Variants in TRHDE observed in about 807,000 individuals in gnomAD.
The protein encoded by TRHDE is thyrotropin releasing hormone degrading enzyme, also known as thyrotropin-releasing hormone-degrading ectoenzyme.
In TRHDE, 72 loss-of-function variants were observed where a neutral mutation model predicts 125.7. That is an observed-to-expected ratio of 0.57 (90% CI 0.47 to 0.70). The LOEUF is 0.70. Among genes scored for constraint, TRHDE ranks in the 30% least tolerant of loss-of-function variants. TRHDE has a pLI of 0.00. For synonymous variants in TRHDE, 509 were observed against 509.1 expected, an observed-to-expected ratio of 1.00 and a Z score of 0.00; for missense variants, 1,110 against 1,327.1, an observed-to-expected ratio of 0.84 and a Z score of 2.54.
At chr12:72,243,042 G>A (rs1878513380) in intron 2 of TRHDE, among the ~76,000 whole-genome samples, 2 of 152,174 alleles carry the variant, frequency 1.3e-5, no homozygotes, top group African/African-American at 4.8e-5. Context: ...TCTGAAGGCT[G>A]TTATATCAAG....
At chr12:72,211,638 C>T (rs1045255403) in intron 2 of TRHDE, among the ~76,000 whole-genome samples, 17 of 151,898 alleles carry the variant, frequency 1.1e-4, no homozygotes, top group Admixed American at 8.5e-4. Context: ...TGACAGGCCC[C>T]GGGGACGCAA....
chr12:72,312,444 C>G (rs1310018127), intron 2 of TRHDE, among the ~76,000 whole-genome samples: 1 of 152,056 alleles, frequency 6.6e-6, no homozygotes. Flanking sequence ...AAAGTAATGA[C>G]CAGACCTTCT....
intron 3 of TRHDE, among the ~76,000 whole-genome samples, chr12:72,455,201 A>G (rs2135876271): frequency 6.6e-6 from 1 of 152,316 alleles, no homozygotes; most frequent in South Asian, 2.1e-4. Flanking sequence ...TCCAAGTGCT[A>G]AATTTTATCA....
intron 3 of TRHDE, among the ~76,000 whole-genome samples, chr12:72,419,365 A>G (rs986530574): frequency 6.6e-6 from 1 of 152,152 alleles, no homozygotes; most frequent in Non-Finnish European, 1.5e-5. Flanking sequence ...ATCTGAGGCT[A>G]GGTAATTTAT....
chr12:72,166,760 A>G (rs1196597923), intron 2 of TRHDE, among the ~76,000 whole-genome samples: 1 of 152,214 alleles, frequency 6.6e-6, no homozygotes, highest in Non-Finnish European at 1.5e-5. Context: ...ATGAGCTGGA[A>G]GTAGACTGGC....
At chr12:72,292,009 G>A (rs1480089499) in intron 2 of TRHDE, among the ~76,000 whole-genome samples, 1 of 152,144 alleles carries the variant, frequency 6.6e-6, no homozygotes. Flanking sequence ...AAAAATGTTG[G>A]CTTTTTATGT....
intron 6 of TRHDE, among the ~76,000 whole-genome samples, chr12:72,537,264 C>T (rs1262658799): frequency 2.0e-5 from 3 of 151,952 alleles, no homozygotes; most frequent in Admixed American, 6.6e-5. Context: ...TGTGGTTTGG[C>T]CCTGTTTCCC....
At chr12:72,592,705 TTTC>T (rs923441188) in intron 12 of TRHDE, among the ~76,000 whole-genome samples, 6 of 127,148 alleles carry the variant, frequency 4.7e-5, no homozygotes, top group African/African-American at 2.1e-4. Context: ...TTTTCTTTTC[TTTC>T]TTTTTTTTTT....
At chr12:72,418,243 T>C (rs372293773) in intron 3 of TRHDE, among the ~76,000 whole-genome samples, 1 of 152,024 alleles carries the variant, frequency 6.6e-6, no homozygotes, top group East Asian at 1.9e-4. Context: ...TTGTGTTCAA[T>C]TTTAGTGGCA....
intron 3 of TRHDE, among the ~76,000 whole-genome samples, chr12:72,425,860 C>A (rs1369921681): frequency 3.3e-5 from 5 of 151,884 alleles, no homozygotes; most frequent in Non-Finnish European, 5.9e-5. Flanking sequence ...GCAGCAGCAA[C>A]AACAACAAGA....
At chr12:72,320,316 A>T (rs965430186) in intron 2 of TRHDE, among the ~76,000 whole-genome samples, 3 of 152,158 alleles carry the variant, frequency 2.0e-5, no homozygotes, top group Non-Finnish European at 4.4e-5. Flanking sequence ...CATACAATCT[A>T]CACCTACTTT....
chr12:72,507,662 GT>G (rs541858470), intron 6 of TRHDE, among the ~76,000 whole-genome samples: 146 of 152,356 alleles, frequency 9.6e-4, no homozygotes, highest in Non-Finnish European at 1.6e-3. Flanking sequence ...GCCTGGCCAT[GT>G]GATAGAAAAG....
At position 72,336,818 on chromosome 12, in the gene TRHDE, A is replaced by G. The variant is rs185431630; in HGVS notation, c.1189-41177A>G. Among the ~76,000 whole-genome samples the G allele has an allele frequency of 2.8e-3, 433 of 152,234 alleles. 3 individuals carry two copies. The highest frequency in any genetic ancestry group is 2.7e-3 in the Non-Finnish European group (184 of 68,008). On this transcript the variant is annotated intron_variant, in intron 2 of 18. Coordinates refer to ENST00000261180, the MANE Select transcript of TRHDE (RefSeq NM_013381.3). The stretch of plus-strand genomic sequence containing the variant: ...ACTCACTGTTGCATTAACAACATTA[A>G]TCCATTCATTTGGGCAGAGCGCTCA...
At chr12:72,433,436 C>A (rs941035663) in intron 3 of TRHDE, among the ~76,000 whole-genome samples, 3 of 152,054 alleles carry the variant, frequency 2.0e-5, no homozygotes, top group South Asian at 2.1e-4. Flanking sequence ...TGGTTTGACT[C>A]TAGTTTATGG....
At chr12:72,388,006 T>C (rs1221173740) in intron 3 of TRHDE, among the ~76,000 whole-genome samples, 2 of 152,164 alleles carry the variant, frequency 1.3e-5, no homozygotes, top group Non-Finnish European at 2.9e-5. Context: ...TGCAAGACCC[T>C]GCATGCTTGC....
At chr12:72,390,991 A>G (rs1398949764) in intron 3 of TRHDE, among the ~76,000 whole-genome samples, 1 of 152,140 alleles carries the variant, frequency 6.6e-6, no homozygotes, top group East Asian at 1.9e-4. Context: ...AACTTGGATG[A>G]TTATTGAGAG....
At chr12:72,295,908 G>A (rs917381786) in intron 2 of TRHDE, among the ~76,000 whole-genome samples, 1 of 152,212 alleles carries the variant, frequency 6.6e-6, no homozygotes, top group African/African-American at 2.4e-5. Flanking sequence ...AGTAACAAAA[G>A]AGTTGGATTA....
intron 15 of TRHDE, among the ~76,000 whole-genome samples, chr12:72,627,336 T>A (rs907754305): frequency 8.6e-5 from 13 of 151,892 alleles, no homozygotes; most frequent in African/African-American, 2.9e-4. Flanking sequence ...TTAAGGATAA[T>A]CATCTTCCTT....
chr12:72,286,444 C>G (rs1592519950), intron 1 of TRHDE, among the ~76,000 whole-genome samples: 1 of 152,144 alleles, frequency 6.6e-6, no homozygotes, highest in Non-Finnish European at 1.5e-5. Context: ...GAGCACTTCT[C>G]TGGGTTTAAC....
Sources: gnomAD v4.1 joint callset for allele counts (sites outside exome capture counted in the v4.1 genomes callset) on GRCh38, gnomAD v4.1.1 for gene constraint, MANE v1.5 for transcripts, NCBI Gene and HGNC (gene_info 2026-07-23, HGNC 2026-07-21) for gene names.